The following RBFOX3 variants were observed in gnomAD, a reference collection of about 807,000 sequenced individuals.
The protein encoded by RBFOX3 is RNA binding protein fox-1 homolog 3.
Under a neutral mutation model 48.7 loss-of-function variants are expected in RBFOX3, and 17 were observed. That is an observed-to-expected ratio of 0.35 (90% CI 0.24 to 0.52). The LOEUF (loss-of-function observed/expected upper bound fraction) is 0.52, where lower values mean the gene tolerates loss of function less well. RBFOX3 is among the 20% of genes least tolerant of loss of function. The pLI is 0.94. For missense variants in RBFOX3, 382 were observed against 497.5 expected, an observed-to-expected ratio of 0.77 and a Z score of 2.21; for synonymous variants, 212 against 209.5, an observed-to-expected ratio of 1.01 and a Z score of -0.10.
At chr17:79,616,493 A>G in the RBFOX3 span, among the ~76,000 whole-genome samples, 2 of 151,226 alleles carry the variant, frequency 1.3e-5, no homozygotes, top group Non-Finnish European at 1.5e-5. Context: ...CCAAGATCAC[A>G]CCACTGCACT....
chr17:79,656,894 AG>A, the RBFOX3 span, among the ~76,000 whole-genome samples: 1 of 129,162 alleles, frequency 7.7e-6, no homozygotes, highest in Non-Finnish European at 1.8e-5. Context: ...GGAAGGAAGG[AG>A]GGAAGGAAGG....
At chr17:79,383,940 G>A (rs1333010941) in intron 2 of RBFOX3, among the ~76,000 whole-genome samples, 2 of 152,180 alleles carry the variant, frequency 1.3e-5, no homozygotes. Context: ...CAGAGGGGGG[G>A]GCAATCAGGG....
chr17:79,114,476 G>A (rs1338136823), intron 5 of RBFOX3, among the ~76,000 whole-genome samples: 5 of 152,218 alleles, frequency 3.3e-5, no homozygotes, highest in African/African-American at 7.2e-5. Context: ...GGGCTCTCTC[G>A]GCAGAGGGCC....
chr17:79,620,544 CGCATGCACACAT>C, the RBFOX3 span, among the ~76,000 whole-genome samples: 1 of 150,310 alleles, frequency 6.7e-6, no homozygotes, highest in Non-Finnish European at 1.5e-5. Context: ...CATGCACACA[CGCATGCACACAT>C]GTGCACACCC....
rs902822797 is a variant in RBFOX3 at position 79,480,864 on chromosome 17, G to A, written c.-175+1590C>T. Reference sequence around the variant, plus strand: ...TATGGCGCCTGACATACATTTATTCGCCATGTCCCTGCTAAAATATAAACA... The same window carrying A: ...TATGGCGCCTGACATACATTTATTCACCATGTCCCTGCTAAAATATAAACA... On this transcript the variant is annotated intron_variant, in intron 2 of 14. Transcript: ENST00000693108. This position sits in a 1 kb window ranked among gnomAD's most constrained non-coding sequence, Gnocchi z 4.8. 5.9e-5 allele frequency among the ~76,000 whole-genome samples: 9 copies of A among 152,134 alleles called. No homozygotes were observed. The highest frequency in any genetic ancestry group is 1.9e-4 in the East Asian group (1 of 5,192).
chr17:79,357,277 G>A (rs967772636), intron 2 of RBFOX3, among the ~76,000 whole-genome samples: 3 of 152,194 alleles, frequency 2.0e-5, no homozygotes, highest in Non-Finnish European at 2.9e-5. Flanking sequence ...GCCCAAAAAC[G>A]AAACAAAACA....
chr17:79,488,339 G>GC (rs1306380205), intron 1 of RBFOX3, among the ~76,000 whole-genome samples: 2 of 92,972 alleles, frequency 2.2e-5, no homozygotes, highest in East Asian at 3.4e-4. Flanking sequence ...TTGAGGCGGA[G>GC]CCCCCCATTT....
intron 2 of RBFOX3, among the ~76,000 whole-genome samples, chr17:79,408,614 C>T (rs774130471): frequency 6.6e-6 from 1 of 152,192 alleles, no homozygotes; most frequent in Admixed American, 6.5e-5. Context: ...GGATGGAAGG[C>T]AGGTCCCTAG....
chr17:79,298,913 C>T (rs1220115075), intron 3 of RBFOX3, among the ~76,000 whole-genome samples: 1 of 152,168 alleles, frequency 6.6e-6, no homozygotes, highest in Admixed American at 6.5e-5. Context: ...CAGGACAAGA[C>T]AGCAGCAAAC....
chr17:79,611,096 T>TCCGCCCTC, upstream of RBFOX3, among the ~76,000 whole-genome samples: 1 of 129,278 alleles, frequency 7.7e-6, no homozygotes, highest in African/African-American at 2.6e-5. Context: ...GCCTCCTCTC[T>TCCGCCCTC]CTCTCTCTCT....
At chr17:79,149,271 G>A (rs910400741) in intron 4 of RBFOX3, among the ~76,000 whole-genome samples, 1 of 152,200 alleles carries the variant, frequency 6.6e-6, no homozygotes, top group Non-Finnish European at 1.5e-5. Flanking sequence ...AGTAGAGCGT[G>A]GGAGGCAGCA....
chr17:79,154,932 C>T (rs1304049523), intron 4 of RBFOX3, among the ~76,000 whole-genome samples: 1 of 152,172 alleles, frequency 6.6e-6, no homozygotes, highest in African/African-American at 2.4e-5. Context: ...CGGGGTCCTG[C>T]GCCTCCCAGG....
At chr17:79,650,908 G>A in the RBFOX3 span, among the ~76,000 whole-genome samples, 1 of 152,198 alleles carries the variant, frequency 6.6e-6, no homozygotes, top group Non-Finnish European at 1.5e-5. Flanking sequence ...AGATGGCTCT[G>A]CCTCTCGTGG....
At chr17:79,539,880 C>A (rs1331208345) in intron 1 of RBFOX3, among the ~76,000 whole-genome samples, 1 of 152,104 alleles carries the variant, frequency 6.6e-6, no homozygotes, top group Non-Finnish European at 1.5e-5. Context: ...CAGATGAACA[C>A]GGTTTTGTTT....
At chr17:79,188,178 C>T (rs966632782) in intron 4 of RBFOX3, among the ~76,000 whole-genome samples, 3 of 152,212 alleles carry the variant, frequency 2.0e-5, no homozygotes, top group East Asian at 1.9e-4. Flanking sequence ...CCACCTTCAC[C>T]GGCTGGCCTG....
At chr17:79,463,446 C>A (rs1283038943) in intron 2 of RBFOX3, among the ~76,000 whole-genome samples, 1 of 144,512 alleles carries the variant, frequency 6.9e-6, no homozygotes, top group South Asian at 2.3e-4. Context: ...ATCGCCACTG[C>A]CACCTCCACC....
chr17:79,573,166 G>A (rs2092736556), intron 1 of RBFOX3, among the ~76,000 whole-genome samples: 1 of 152,134 alleles, frequency 6.6e-6, no homozygotes, highest in African/African-American at 2.4e-5. Context: ...AGGGGCAAGA[G>A]CCAAGCCCAG....
At chr17:79,581,227 G>A (rs1410389881) in intron 1 of RBFOX3, among the ~76,000 whole-genome samples, 4 of 152,060 alleles carry the variant, frequency 2.6e-5, no homozygotes, top group Non-Finnish European at 4.4e-5. Flanking sequence ...CAGCCTGGGC[G>A]ACAGAGCGAG....
At chr17:79,417,868 G>A (rs2065650111) in intron 2 of RBFOX3, among the ~76,000 whole-genome samples, 1 of 152,262 alleles carries the variant, frequency 6.6e-6, no homozygotes, top group African/African-American at 2.4e-5. Context: ...TCCATGCATA[G>A]AGGGAATATG....
Sources: allele counts gnomAD v4.1 joint callset (sites outside exome capture counted in the v4.1 genomes callset), GRCh38; gene constraint gnomAD v4.1.1; non-coding constraint Gnocchi (gnomAD v3.1); transcripts MANE v1.5; gene names NCBI Gene and HGNC (gene_info 2026-07-23, HGNC 2026-07-21).